The following TRPM3 variants were observed in gnomAD, a reference collection of about 807,000 sequenced individuals.
TRPM3 encodes the protein transient receptor potential cation channel subfamily M member 3.
TRPM3 carries 77 observed loss-of-function variants against 181.2 expected under a neutral mutation model. The observed-to-expected ratio is 0.42, with a 90% CI of 0.35 to 0.51. The LOEUF (loss-of-function observed/expected upper bound fraction) is 0.51, where lower values mean the gene tolerates loss of function less well. Ranked by LOEUF, TRPM3 falls within the 20% of genes least tolerant of loss-of-function variation. TRPM3 has a pLI of 0.01. For synonymous variants in TRPM3, 745 were observed against 796.4 expected, an observed-to-expected ratio of 0.94 and a Z score of 1.09; for missense variants, 1,759 against 2,196.7, an observed-to-expected ratio of 0.80 and a Z score of 3.98.
chr9:70,687,387 T>C (rs1325290574), intron 8 of TRPM3, among the ~76,000 whole-genome samples: 1 of 152,332 alleles, frequency 6.6e-6, no homozygotes, highest in East Asian at 1.9e-4. Flanking sequence ...TTGTAGGTGA[T>C]TTAGTAAAGT....
intron 7 of TRPM3, among the ~76,000 whole-genome samples, chr9:70,769,433 G>T (rs1314435889): frequency 1.3e-5 from 2 of 151,978 alleles, no homozygotes; most frequent in African/African-American, 4.8e-5. Flanking sequence ...GAATCAGGGG[G>T]TACACATGGA....
intron 1 of TRPM3, among the ~76,000 whole-genome samples, chr9:71,424,297 G>A (rs1035829406): frequency 5.3e-5 from 8 of 152,006 alleles, no homozygotes; most frequent in Admixed American, 1.3e-4. Flanking sequence ...GCCATTTTGC[G>A]GCACTTTTTC....
intron 1 of TRPM3, among the ~76,000 whole-genome samples, chr9:71,132,239 T>A (rs528172041): frequency 6.6e-6 from 1 of 152,298 alleles, no homozygotes; most frequent in Admixed American, 6.5e-5. Flanking sequence ...ATAGGTGACT[T>A]CCCCAAGATC....
At chr9:70,859,546 A>T (rs1425861698) in intron 3 of TRPM3, among the ~76,000 whole-genome samples, 2 of 152,302 alleles carry the variant, frequency 1.3e-5, no homozygotes, top group African/African-American at 4.8e-5. Flanking sequence ...GATGTAGTAG[A>T]TGTTCCATAC....
chr9:71,208,370 T>C (rs1256943928), intron 1 of TRPM3, among the ~76,000 whole-genome samples: 1 of 152,198 alleles, frequency 6.6e-6, no homozygotes, highest in Non-Finnish European at 1.5e-5. Flanking sequence ...ATTTAGGTAC[T>C]GAAAAGTATT....
intron 1 of TRPM3, among the ~76,000 whole-genome samples, chr9:71,039,397 CA>C (rs1346835326): frequency 6.6e-6 from 1 of 152,152 alleles, no homozygotes; most frequent in East Asian, 1.9e-4. Flanking sequence ...AGGTCTATGA[CA>C]TTTAAGTTTT....
chr9:71,365,850 T>A lies in TRPM3; in HGVS notation c.183+80803A>T, dbSNP rs145132582. Among the ~76,000 whole-genome samples, 1,009 of 152,172 alleles carry A rather than the reference T, an allele frequency of 6.6e-3. 17 individuals carry two copies. Among genetic ancestry groups the A allele is most frequent in the African/African-American group, 0.023 (974 of 41,524 alleles). ...GAGGCAAACAAAATGAAGTTCATGC[T>A]CTCGTGGGGCTGCCATTTAGTTGCT... On this transcript the variant is annotated intron_variant, in intron 1 of 24. Coordinates refer to the TRPM3 transcript ENST00000357533.
intron 21 of TRPM3, among the ~76,000 whole-genome samples, chr9:70,597,328 T>C (rs2059199320): frequency 6.6e-6 from 1 of 152,198 alleles, no homozygotes; most frequent in Non-Finnish European, 1.5e-5. Context: ...TGCCTCAGCC[T>C]CCCAAAGTGC....
In TRPM3 at chr9:70,598,529, C is replaced by T; in HGVS notation, c.2938G>A (p.Asp980Asn). The T allele has an allele frequency of 6.2e-7, 1 of 1,614,234 alleles. No individual in the cohort carries two copies. The highest frequency in any genetic ancestry group is 2.2e-5 in the East Asian group (1 of 44,888). The change falls in exon 21 of 26, where the codon GAC (aspartate) becomes AAC (asparagine). Residue 980 changes from aspartate (D) to asparagine (N), a missense_variant. Asp to Asn is a conservative substitution (Grantham distance 23, BLOSUM62 1). This residue lies in a region of TRPM3 where 100 missense variants were observed against 123.0 expected (regional missense o/e 0.81). Coordinates refer to ENST00000677713, the MANE Select transcript of TRPM3 (RefSeq NM_001366145.2). ...LRLQDQPFRS[D>N]GRVIYCVNII... is the part of the protein sequence containing the mutation. Reference sequence around the variant, plus strand: ...TTCACGCAGTAGATGACCCTCCCGTCACTCCTGAAGGGCTGGTCTTGGAGA... The same window carrying T: ...TTCACGCAGTAGATGACCCTCCCGTTACTCCTGAAGGGCTGGTCTTGGAGA...
chr9:71,313,896 C>T (rs544581426), intron 1 of TRPM3, among the ~76,000 whole-genome samples: 35 of 152,214 alleles, frequency 2.3e-4, no homozygotes, highest in East Asian at 1.4e-3. Context: ...CAGAACTCCT[C>T]GGGCAAGACT....
chr9:70,696,291 G>A (rs1587447335), intron 8 of TRPM3, among the ~76,000 whole-genome samples: 1 of 152,178 alleles, frequency 6.6e-6, no homozygotes, highest in East Asian at 1.9e-4. Context: ...GTCACGGAAG[G>A]AGTATTAGTT....
chr9:71,226,565 C>G (rs1171111907), intron 1 of TRPM3, among the ~76,000 whole-genome samples: 1 of 151,508 alleles, frequency 6.6e-6, no homozygotes, highest in Admixed American at 6.6e-5. Context: ...AAGTCAAAAA[C>G]TATAAAAAGA....
intron 22 of TRPM3, among the ~76,000 whole-genome samples, chr9:70,559,082 C>T (rs1290974413): frequency 6.6e-6 from 1 of 152,174 alleles, no homozygotes; most frequent in Admixed American, 6.5e-5. Context: ...GTTTTTCATA[C>T]ATAAACTTTT....
intron 25 of TRPM3, among the ~76,000 whole-genome samples, 193 bp downstream of exon 25, chr9:70,549,349 G>T (rs1038907876): frequency 5.9e-5 from 9 of 152,164 alleles, no homozygotes; most frequent in African/African-American, 2.2e-4. Context: ...GAGAAGTCTA[G>T]GATCTGTAAG....
In TRPM3 at chr9:70,647,813, G is replaced by A. The variant is rs545289716; in HGVS notation, c.1346-7153C>T. Among the ~76,000 whole-genome samples the A allele has an allele frequency of 5.9e-5, 9 of 152,148 alleles. No individual in the cohort carries two copies. In the South Asian group the frequency reaches 1.2e-3, roughly 21 times the overall value. ...AAAATCCCATGGTCTATGCCCAAAGGCTCCAAGAACTGATAAACAACTTCA... is the reference window on the plus strand; with the variant it reads ...AAAATCCCATGGTCTATGCCCAAAGACTCCAAGAACTGATAAACAACTTCA... On this transcript the variant is annotated intron_variant, in intron 9 of 25. Transcript: ENST00000677713.
intron 6 of TRPM3, among the ~76,000 whole-genome samples, chr9:70,822,759 TTGTGTG>T (rs113090222): frequency 0.015 from 2,208 of 146,496 alleles, 34 homozygotes; most frequent in African/African-American, 0.042. Flanking sequence ...AAGATTTGTC[TTGTGTG>T]TGTGTGTGTG....
At chr9:71,105,538 T>C (rs1190560414) in intron 1 of TRPM3, among the ~76,000 whole-genome samples, 3 of 152,090 alleles carry the variant, frequency 2.0e-5, no homozygotes, top group Non-Finnish European at 2.9e-5. Flanking sequence ...ATAATTTCAG[T>C]GGACTGTAAG....
intron 1 of TRPM3, among the ~76,000 whole-genome samples, chr9:71,072,843 T>C (rs2062955697): frequency 6.6e-6 from 1 of 152,162 alleles, no homozygotes; most frequent in South Asian, 2.1e-4. Context: ...AAGTGTTTCT[T>C]GTGATTAGAC....
At chr9:70,559,897 G>T (rs2048646396) in intron 22 of TRPM3, among the ~76,000 whole-genome samples, 1 of 152,136 alleles carries the variant, frequency 6.6e-6, no homozygotes, top group East Asian at 1.9e-4. Context: ...TCCTGAGAGG[G>T]CTGTGGAATT....
Sources: allele counts gnomAD v4.1 joint callset (sites outside exome capture counted in the v4.1 genomes callset), GRCh38; gene constraint gnomAD v4.1.1; regional missense constraint gnomAD v4.1.1; transcripts MANE v1.5; gene names NCBI Gene and HGNC (gene_info 2026-07-23, HGNC 2026-07-21).